NRIP1: variants seen among roughly 807,000 people sequenced by gnomAD.
NRIP1 encodes the protein nuclear receptor-interacting protein 1.
A neutral mutation model predicts 75.0 loss-of-function variants in NRIP1; 28 were observed. The ratio of observed to expected loss-of-function variants is 0.37; its 90% CI spans 0.28 to 0.51. The LOEUF is 0.51. Ranked by LOEUF, NRIP1 falls within the 20% of genes least tolerant of loss-of-function variation. The pLI is 0.92. For missense variants in NRIP1, 1,435 were observed against 1,343.7 expected (o/e 1.07, Z -1.06); for synonymous variants, 526 against 487.6 (o/e 1.08, Z -1.04).
chr21:15,000,395 A>C (rs2087824442), intron 3 of NRIP1, among the ~76,000 whole-genome samples: 1 of 152,194 alleles, frequency 6.6e-6, no homozygotes, highest in Admixed American at 6.5e-5. Flanking sequence ...TACAGTGTTA[A>C]GCACTGTGGA....
intron 3 of NRIP1, among the ~76,000 whole-genome samples, chr21:14,977,589 G>GA (rs1194752249): frequency 1.3e-5 from 2 of 151,880 alleles, no homozygotes; most frequent in Admixed American, 6.6e-5. Flanking sequence ...AAAGTCACTG[G>GA]AAAAAACATT....
At chr21:15,003,973 T>G (rs1387015349) in intron 3 of NRIP1, among the ~76,000 whole-genome samples, 1 of 152,160 alleles carries the variant, frequency 6.6e-6, no homozygotes, top group East Asian at 1.9e-4. Context: ...ACACTAACCA[T>G]TTCCTCACAT....
At chr21:15,061,992 C>T (rs2089432941) in intron 1 of NRIP1, among the ~76,000 whole-genome samples, 1 of 152,166 alleles carries the variant, frequency 6.6e-6, no homozygotes, top group African/African-American at 2.4e-5. Flanking sequence ...TTCAGATATG[C>T]GTTAATTCAT....
intron 1 of NRIP1, chr21:15,051,147 T>C (rs917698283): frequency 2.9e-6 from 1 of 339,434 alleles, no homozygotes; most frequent in Non-Finnish European, 5.8e-6. Flanking sequence ...GGCTTTCTCA[T>C]GTGGCCCTGA....
At chr21:15,064,556 C>T (rs1267200647) in intron 1 of NRIP1, among the ~76,000 whole-genome samples, 189 bp downstream of exon 1, 1 of 151,834 alleles carries the variant, frequency 6.6e-6, no homozygotes, top group Non-Finnish European at 1.5e-5. Flanking sequence ...CCCGGCCCCC[C>T]GCGAGAACCC....
chr21:15,014,827 T>TAA (rs56153791), intron 2 of NRIP1, among the ~76,000 whole-genome samples: 147 of 144,564 alleles, frequency 1.0e-3, no homozygotes, highest in African/African-American at 3.2e-3. Flanking sequence ...GTGTATTTCT[T>TAA]AAAAAAAAAA....
At chr21:15,012,523 T>C (rs1471028468) in intron 3 of NRIP1, among the ~76,000 whole-genome samples, 2 of 144,898 alleles carry the variant, frequency 1.4e-5, no homozygotes, top group African/African-American at 2.6e-5. Flanking sequence ...GGCACAATCT[T>C]GGCTCACTGC....
chr21:15,031,783 G>A (rs1388835529), intron 2 of NRIP1, among the ~76,000 whole-genome samples: 2 of 145,004 alleles, frequency 1.4e-5, no homozygotes, highest in African/African-American at 2.6e-5. Flanking sequence ...ATACACTCTG[G>A]AAGGCGCTCG....
chr21:14,993,615 T>TA (rs935171201), intron 3 of NRIP1, among the ~76,000 whole-genome samples: 2 of 151,506 alleles, frequency 1.3e-5, no homozygotes, highest in Non-Finnish European at 2.9e-5. Flanking sequence ...ACCCCATCTC[T>TA]AAAAAAATAA....
At chr21:15,039,995 T>C (rs1032610449) in intron 2 of NRIP1, among the ~76,000 whole-genome samples, 2 of 152,106 alleles carry the variant, frequency 1.3e-5, no homozygotes, top group African/African-American at 4.8e-5. Context: ...ACCTTTCTAC[T>C]GGATTTTTAA....
At chr21:15,050,623 C>T in intron 1 of NRIP1, 1 of 407,478 alleles carries the variant, frequency 2.5e-6, no homozygotes, top group South Asian at 1.8e-5. Flanking sequence ...TTCAAACACA[C>T]TTCAAACTCA....
At chr21:15,042,642 C>T (rs2088982798) in intron 2 of NRIP1, among the ~76,000 whole-genome samples, 1 of 152,208 alleles carries the variant, frequency 6.6e-6, no homozygotes, top group African/African-American at 2.4e-5. Context: ...GCCACCTCCA[C>T]CCATGTGAGG....
chr21:14,965,244 T>A lies in NRIP1; in HGVS notation c.2949A>T (p.Gly983=). 6.2e-7 allele frequency: 1 copy of A among 1,613,976 alleles called. No individual in the cohort carries two copies. The highest frequency in any genetic ancestry group is 1.1e-5 in the South Asian group (1 of 91,076). ...KPEFSISSLN[G]LMYSSTQPSS... is the part of the protein sequence containing the mutation. ...TGGGCTGAGTGGAACTGTACATCAGTCCATTTAAAGAAGAAATGCTAAATT... is the reference window on the plus strand; with the variant it reads ...TGGGCTGAGTGGAACTGTACATCAGACCATTTAAAGAAGAAATGCTAAATT... The change falls in exon 4 of 4, where the codon GGA becomes GGT. Residue 983 remains glycine, a synonymous_variant. Coordinates refer to ENST00000318948, the MANE Select transcript of NRIP1 (RefSeq NM_003489.4).
intron 1 of NRIP1, among the ~76,000 whole-genome samples, chr21:15,044,309 A>G (rs2089022961): frequency 1.3e-5 from 2 of 150,644 alleles, no homozygotes; most frequent in South Asian, 4.2e-4. Flanking sequence ...AGAAAATGTT[A>G]AACTCAGAAT....
chr21:14,994,211 G>A (rs1010783020), intron 3 of NRIP1, among the ~76,000 whole-genome samples: 2 of 152,196 alleles, frequency 1.3e-5, no homozygotes, highest in East Asian at 1.9e-4. Context: ...TGCAACCTCC[G>A]CCTCCCGAGT....
Position 14,967,606 on chromosome 21 carries a change from TCTTTAA to T in NRIP1, c.581_586del (p.Val194_Lys195del), listed in dbSNP as rs775002747. The T allele has an allele frequency of 6.2e-7, 1 of 1,613,848 alleles. No individual in the cohort carries two copies. Among genetic ancestry groups the T allele is most frequent in the Non-Finnish European group, 8.5e-7 (1 of 1,179,962 alleles). ...AGGAAGATTCGTATCAGGCTTTTGA[TCTTTAA>T]CTTTACTTTTCTTCAACAAAGTTTT... On this transcript the variant is annotated inframe_deletion, in exon 4 of 4. Coordinates refer to ENST00000318948, the MANE Select transcript of NRIP1 (RefSeq NM_003489.4).
intron 3 of NRIP1, among the ~76,000 whole-genome samples, chr21:14,985,245 A>G (rs2087362929): frequency 1.3e-5 from 2 of 152,232 alleles, no homozygotes; most frequent in South Asian, 4.1e-4. Flanking sequence ...GGTCTGCAAA[A>G]TAAGGAGTGG....
chr21:15,061,441 A>C (rs1466432940), intron 1 of NRIP1, among the ~76,000 whole-genome samples: 4 of 152,180 alleles, frequency 2.6e-5, no homozygotes, highest in Non-Finnish European at 5.9e-5. Flanking sequence ...AAATATCCAA[A>C]GATCTAGACA....
chr21:15,059,134 T>C (rs1030026365), intron 1 of NRIP1, among the ~76,000 whole-genome samples: 1 of 152,148 alleles, frequency 6.6e-6, no homozygotes, highest in African/African-American at 2.4e-5. Flanking sequence ...CAACATCAGG[T>C]CAACCAGAGT....
Sources: gnomAD v4.1 joint callset for allele counts (sites outside exome capture counted in the v4.1 genomes callset) on GRCh38, gnomAD v4.1.1 for gene constraint, MANE v1.5 for transcripts, NCBI Gene and HGNC (gene_info 2026-07-23, HGNC 2026-07-21) for gene names.